The following COL27A1 variants were observed in gnomAD, a reference collection of about 807,000 sequenced individuals.
The protein encoded by COL27A1 is collagen type XXVII alpha 1 chain.
A neutral mutation model predicts 251.3 loss-of-function variants in COL27A1; 106 were observed. That is an observed-to-expected ratio of 0.42 (90% confidence interval 0.36 to 0.50). COL27A1 has a LOEUF of 0.50. COL27A1 is among the 20% of genes least tolerant of loss of function. The pLI, the probability that COL27A1 is intolerant of heterozygous loss-of-function variation, is 0.00. For missense variants in COL27A1, 2,325 were observed against 2,522.8 expected (o/e 0.92, Z 1.68); for synonymous variants, 1,000 against 986.3 (o/e 1.01, Z -0.26).
chr9:114,280,827 G>A (rs13288541), intron 37 of COL27A1, among the ~76,000 whole-genome samples: 63,227 of 151,980 alleles, frequency 0.42, 13,667 homozygotes, highest in South Asian at 0.68. Context: ...AGTTGATGCC[G>A]CATTAGTCTT....
At chr9:114,307,061 C>T in intron 58 of COL27A1, 1 of 222,498 alleles carries the variant, frequency 4.5e-6, no homozygotes, top group Middle Eastern at 1.8e-3. Context: ...AGCTGCGGAG[C>T]CAGACAGACC....
At chr9:114,296,333 A>G (rs1393500957) in intron 49 of COL27A1, among the ~76,000 whole-genome samples, 1 of 152,232 alleles carries the variant, frequency 6.6e-6, no homozygotes, top group Non-Finnish European at 1.5e-5. Flanking sequence ...TCCGGAACCT[A>G]AAAAGAACTC....
At chr9:114,161,702 C>T (rs896532150) in intron 1 of COL27A1, among the ~76,000 whole-genome samples, 2 of 152,248 alleles carry the variant, frequency 1.3e-5, no homozygotes, top group African/African-American at 4.8e-5. Context: ...TCTCTGGCCA[C>T]GTGCCGGCCT....
intron 12 of COL27A1, among the ~76,000 whole-genome samples, chr9:114,211,540 C>G (rs754052701): frequency 6.6e-6 from 1 of 152,250 alleles, no homozygotes; most frequent in Non-Finnish European, 1.5e-5. Context: ...CCCCAATTCA[C>G]CAGCTTTCTC....
At chr9:114,219,100 C>T (rs1588686638) in intron 12 of COL27A1, among the ~76,000 whole-genome samples, 1 of 152,210 alleles carries the variant, frequency 6.6e-6, no homozygotes, top group African/African-American at 2.4e-5. Context: ...CCCCCGAAGG[C>T]GTCCTTACAG....
intron 24 of COL27A1, among the ~76,000 whole-genome samples, chr9:114,249,091 G>A (rs886361527): frequency 1.3e-5 from 2 of 152,180 alleles, no homozygotes; most frequent in African/African-American, 4.8e-5. Context: ...CTGCAGATGA[G>A]GCTCAGAGAG....
chr9:114,301,974 G>A, intron 55 of COL27A1, 108 bp from the exon 56 acceptor site: 1 of 1,163,636 alleles, frequency 8.6e-7, no homozygotes, highest in Non-Finnish European at 1.3e-6. Context: ...GCAGAGGCCA[G>A]CTTGGCAGGT....
chr9:114,236,997 C>T lies in COL27A1; in HGVS notation c.2636C>T (p.Pro879Leu), dbSNP rs754110502. The stretch of plus-strand genomic sequence containing the variant: ...CTCTTCCAGGGGAGCCAGGGGTTGC[C>T]AGGGTTCCCCGGTGCACGGGGGAAG... ...FQGDKGSQGL[P>L]GFPGARGKPG... Residue 879 changes from proline (P) to leucine (L), a missense_variant, in exon 18 of 61, where the codon CCA becomes CTA. Pro to Leu is a moderately conservative substitution (Grantham distance 98). Around this residue, in one of 4 missense-constraint regions of COL27A1, gnomAD observed 662 missense variants for 795.3 expected, o/e 0.83. Coordinates refer to ENST00000356083, the MANE Select transcript of COL27A1 (RefSeq NM_032888.4). 6.2e-7 allele frequency: 1 copy of T among 1,612,856 alleles called. No individual in the cohort carries two copies. Among genetic ancestry groups the T allele is most frequent in the Non-Finnish European group, 8.5e-7 (1 of 1,179,400 alleles).
chr9:114,258,374 G>A (rs568751371), intron 27 of COL27A1, among the ~76,000 whole-genome samples, 167 bp from the exon 28 acceptor site: 1 of 152,290 alleles, frequency 6.6e-6, no homozygotes, highest in East Asian at 1.9e-4. Flanking sequence ...TCCCCAGTGA[G>A]CCAGGTGCCC....
rs374502047 is a variant in COL27A1 at position 114,288,663 on chromosome 9, C to A, written c.4045-39C>A. The A allele has an allele frequency of 3.1e-6, 5 of 1,597,096 alleles. No individual in the cohort carries two copies. In the East Asian group the frequency reaches 1.1e-4, roughly 36 times the overall value. On this transcript the variant is annotated intron_variant, in intron 42 of 60. Transcript: ENST00000356083. ...GGGCCCAGGGCTGGCATCCTTGGCA[C>A]CTGGTGGCCCAAATTTTGCTGTTGT...
intron 3 of COL27A1, among the ~76,000 whole-genome samples, chr9:114,175,186 G>C (rs59005455): frequency 4.6e-5 from 7 of 152,270 alleles, no homozygotes; most frequent in Admixed American, 3.3e-4. Flanking sequence ...CTCTGTTTGC[G>C]TACGCCTGGA....
intron 33 of COL27A1, among the ~76,000 whole-genome samples, 164 bp downstream of exon 33, chr9:114,266,782 G>T (rs1295301981): frequency 6.6e-6 from 1 of 152,166 alleles, no homozygotes; most frequent in East Asian, 1.9e-4. Context: ...TGGCAGAGAG[G>T]GTAGATCCAT....
rs1453551719 is a variant in COL27A1, at chr9:114,306,528, C to T, written c.4947C>T (p.Ser1649=). The change falls in exon 58 of 61, where the codon AGC becomes AGT. Residue 1649 remains serine (S), a synonymous_variant. Transcript: ENST00000356083. ...TSGALRPESY[S]YPDRLVLDQG... is the part of the protein sequence containing the mutation. ...CCCTCTCCTCGTGACAGAGTTACAG[C>T]TATCCAGACCGGCTGGTGCTGGACC... 1.2e-6 allele frequency: 2 copies of T among 1,613,900 alleles called. No homozygotes were observed. Among genetic ancestry groups the T allele is most frequent in the African/African-American group, 2.7e-5 (2 of 74,910 alleles).
chr9:114,246,688 G>A (rs1166922135), intron 24 of COL27A1, among the ~76,000 whole-genome samples: 1 of 152,194 alleles, frequency 6.6e-6, no homozygotes, highest in Non-Finnish European at 1.5e-5. Flanking sequence ...CCCGTCAGTG[G>A]CGTGAGAGTC....
rs541674962 is a variant in COL27A1, at chr9:114,230,927, G to A, written c.2467-152G>A. 7.2e-4 allele frequency: 434 copies of A among 600,314 alleles called. 2 individuals are homozygous for A. The Middle Eastern group carries it at 0.011, about 15-fold the overall frequency. The allele number at this position is 600,314 out of a possible 1,614,324, so 37.2% of individuals were successfully genotyped here. A position where few individuals can be genotyped will look rare whatever the true frequency, so the allele number is the denominator to read the frequency against. ...TTCCAGCACTTTAGTGAAGGTCTCTGGATGAAGAACATTCCAGATTCCAAG... is the reference window on the plus strand; with the variant it reads ...TTCCAGCACTTTAGTGAAGGTCTCTAGATGAAGAACATTCCAGATTCCAAG... On this transcript the variant is annotated intron_variant, in intron 14 of 60. Transcript: ENST00000356083.
rs1378153280 is a variant in COL27A1 at position 114,312,413 on chromosome 9, G to A, written c.*1718G>A. ...GGGTTTTCCTGCTGTCTTCGTTTACGTCTCTGTCCACATGTCAGTGTATTA... is the reference window on the plus strand; with the variant it reads ...GGGTTTTCCTGCTGTCTTCGTTTACATCTCTGTCCACATGTCAGTGTATTA... On this transcript the variant is annotated 3_prime_UTR_variant, in exon 61 of 61. Transcript: ENST00000356083. 3 of 152,086 alleles carry A rather than the reference G, an allele frequency of 2.0e-5. No homozygotes were observed. Among genetic ancestry groups the A allele is most frequent in the South Asian group, 2.1e-4 (1 of 4,832 alleles). The allele number at this position is 152,086 out of a possible 1,614,324, so 9.4% of individuals were successfully genotyped here.
chr9:114,228,393 C>T lies in COL27A1; in HGVS notation c.2467-2686C>T, dbSNP rs182074446. Among the ~76,000 whole-genome samples, 24 of 152,348 alleles carry T rather than the reference C, an allele frequency of 1.6e-4. No homozygotes were observed. The East Asian group carries it at 4.2e-3, about 27-fold the overall frequency. ...TTTGTGCATCAGGGGGAACTCTGGGCGGGCCACCCTGGCTGCCTTCGTCCA... is the reference window on the plus strand; with the variant it reads ...TTTGTGCATCAGGGGGAACTCTGGGTGGGCCACCCTGGCTGCCTTCGTCCA... On this transcript the variant is annotated intron_variant, in intron 14 of 60. Transcript: ENST00000356083.
chr9:114,291,558 G>A (rs1249736), intron 48 of COL27A1, among the ~76,000 whole-genome samples: 2,251 of 152,234 alleles, frequency 0.015, 41 homozygotes, highest in African/African-American at 0.052. Context: ...AGACCAGCCC[G>A]GCCAACATGG....
At chr9:114,192,266 G>A (rs1828798957) in intron 5 of COL27A1, among the ~76,000 whole-genome samples, 1 of 152,196 alleles carries the variant, frequency 6.6e-6, no homozygotes, top group African/African-American at 2.4e-5. Flanking sequence ...TCCTCTATCA[G>A]CTGCAGATCG....
Sources: gnomAD v4.1 joint callset for allele counts (sites outside exome capture counted in the v4.1 genomes callset) on GRCh38, gnomAD v4.1.1 for gene constraint, gnomAD v4.1.1 regional missense constraint, MANE v1.5 for transcripts, NCBI Gene and HGNC (gene_info 2026-07-23, HGNC 2026-07-21) for gene names.